The following PLXDC2 variants were observed in gnomAD, a reference collection of about 807,000 sequenced individuals.
The protein encoded by PLXDC2 is plexin domain-containing protein 2.
Under a neutral mutation model 68.9 loss-of-function variants are expected in PLXDC2, and 40 were observed. That is an observed-to-expected ratio of 0.58 (90% CI 0.45 to 0.76). The LOEUF is 0.76. Among genes scored for constraint, PLXDC2 ranks in the 30% least tolerant of loss-of-function variants. PLXDC2 has a pLI of 0.00. For missense variants in PLXDC2, 644 were observed against 661.9 expected, an observed-to-expected ratio of 0.97 and a Z score of 0.30; for synonymous variants, 243 against 234.2, an observed-to-expected ratio of 1.04 and a Z score of -0.34.
rs764473799 is a variant in PLXDC2, at chr10:20,245,435, C to T, written c.1403C>T (p.Ala468Val). 9.3e-6 allele frequency: 15 copies of T among 1,613,664 alleles called. No homozygotes were observed. In the Admixed American group the frequency reaches 2.2e-4, roughly 23 times the overall value. The change falls in exon 13 of 14, where the codon GCC (alanine) becomes GTC (valine). Residue 468 changes from alanine (A) to valine (V), a missense_variant. Ala to Val is a moderately conservative substitution (Grantham distance 64, BLOSUM62 0). Around this residue, in one of 3 missense-constraint regions of PLXDC2, gnomAD observed 330 missense variants for 327.9 expected, o/e 1.01. Coordinates refer to ENST00000377252, the MANE Select transcript of PLXDC2 (RefSeq NM_032812.9). ...ATCCTCATCCTGGTCCTCATTGTAGCCACAGCCATTCTTGTGACAGTCTAT... is the reference window on the plus strand; with the variant it reads ...ATCCTCATCCTGGTCCTCATTGTAGTCACAGCCATTCTTGTGACAGTCTAT... ...IGILILVLIV[A>V]TAILVTVYMY...
chr10:19,903,199 T>G (rs1838186901), intron 1 of PLXDC2, among the ~76,000 whole-genome samples: 1 of 152,212 alleles, frequency 6.6e-6, no homozygotes, highest in South Asian at 2.1e-4. Flanking sequence ...TCGAATGATT[T>G]AGGGAGGATT....
At chr10:19,877,744 T>C (rs778356312) in intron 1 of PLXDC2, among the ~76,000 whole-genome samples, 6 of 152,234 alleles carry the variant, frequency 3.9e-5, no homozygotes, top group Non-Finnish European at 7.3e-5. Flanking sequence ...AAAATAAACT[T>C]GTAACTTCAT....
At chr10:20,231,185 C>A (rs936760144) in intron 12 of PLXDC2, among the ~76,000 whole-genome samples, 1 of 150,438 alleles carries the variant, frequency 6.6e-6, no homozygotes, top group Non-Finnish European at 1.5e-5. Flanking sequence ...GTTGGGAGAA[C>A]AATATATCTA....
intron 1 of PLXDC2, among the ~76,000 whole-genome samples, chr10:19,819,466 T>C (rs546977525): frequency 7.3e-6 from 1 of 136,484 alleles, no homozygotes; most frequent in Non-Finnish European, 1.7e-5. Flanking sequence ...AAATAGTCTA[T>C]ATAAAAATTC....
chr10:19,874,777 G>C (rs1413902628), intron 1 of PLXDC2, among the ~76,000 whole-genome samples: 5 of 152,312 alleles, frequency 3.3e-5, no homozygotes, highest in African/African-American at 1.2e-4. Flanking sequence ...AAGCATTTCA[G>C]TTAAAGGGAT....
intron 2 of PLXDC2, among the ~76,000 whole-genome samples, chr10:20,002,926 G>T (rs1834966271): frequency 6.6e-6 from 1 of 152,172 alleles, no homozygotes; most frequent in Non-Finnish European, 1.5e-5. Flanking sequence ...ATGGCTTCCA[G>T]TGTTAAATAT....
At chr10:19,926,586 G>A (rs548046798) in intron 1 of PLXDC2, among the ~76,000 whole-genome samples, 102 of 152,190 alleles carry the variant, frequency 6.7e-4, no homozygotes, top group Non-Finnish European at 1.1e-3. Context: ...AAAAAAAATG[G>A]CCAAATGCAG....
Position 20,211,747 on chromosome 10 carries a change from T to G in PLXDC2, c.1122+18T>G. On this transcript the variant is annotated intron_variant, in intron 10 of 13. Transcript: ENST00000377252. Reference sequence around the variant, plus strand: ...CTGAAGAGGTACACATGCTTTATTGTGACAGAATCCTGGGACCAAGCTGTC... The same window carrying G: ...CTGAAGAGGTACACATGCTTTATTGGGACAGAATCCTGGGACCAAGCTGTC... The G allele has an allele frequency of 6.2e-7, 1 of 1,611,008 alleles. No homozygotes were observed. Among genetic ancestry groups the G allele is most frequent in the Non-Finnish European group, 8.5e-7 (1 of 1,177,784 alleles).
intron 9 of PLXDC2, among the ~76,000 whole-genome samples, chr10:20,199,454 CAA>C (rs1834888346): frequency 6.6e-6 from 1 of 151,708 alleles, no homozygotes; most frequent in African/African-American, 2.4e-5. Context: ...AAAGGAGAAA[CAA>C]AAGTTATTAT....
intron 13 of PLXDC2, among the ~76,000 whole-genome samples, chr10:20,276,456 C>G (rs1217609018): frequency 6.6e-6 from 1 of 152,118 alleles, no homozygotes; most frequent in South Asian, 2.1e-4. Flanking sequence ...CACAGCCAAC[C>G]CCAGTGCCAA....
At chr10:19,876,205 G>C (rs1049180271) in intron 1 of PLXDC2, among the ~76,000 whole-genome samples, 2 of 152,268 alleles carry the variant, frequency 1.3e-5, no homozygotes, top group South Asian at 4.1e-4. Flanking sequence ...TGCAGAGTAA[G>C]AGATCGTTTC....
chr10:20,034,985 A>G (rs1440793896), intron 2 of PLXDC2, among the ~76,000 whole-genome samples: 1 of 152,242 alleles, frequency 6.6e-6, no homozygotes, highest in African/African-American at 2.4e-5. Flanking sequence ...GAAACTTGTC[A>G]TTAAGCAACC....
At chr10:20,172,695 A>G (rs1046210894) in intron 7 of PLXDC2, among the ~76,000 whole-genome samples, 19 of 152,268 alleles carry the variant, frequency 1.2e-4, no homozygotes, top group African/African-American at 4.6e-4. Flanking sequence ...AGCCATTAGG[A>G]AAGTATACGT....
intron 1 of PLXDC2, among the ~76,000 whole-genome samples, chr10:19,877,523 GT>G (rs1225131209): frequency 1.3e-5 from 2 of 152,132 alleles, no homozygotes; most frequent in Non-Finnish European, 2.9e-5. Context: ...GAAATGATGT[GT>G]GCAAAATCTC....
chr10:20,176,639 T>C (rs927341563), intron 7 of PLXDC2, among the ~76,000 whole-genome samples: 10 of 152,162 alleles, frequency 6.6e-5, no homozygotes, highest in African/African-American at 2.4e-4. Context: ...ACTTTAGCTT[T>C]AGTATGGAAG....
intron 2 of PLXDC2, among the ~76,000 whole-genome samples, chr10:20,031,526 G>A (rs1305962432): frequency 6.6e-6 from 1 of 152,148 alleles, no homozygotes; most frequent in Non-Finnish European, 1.5e-5. Context: ...AGCCACCTCT[G>A]TTGGTAGTCT....
chr10:20,264,437 C>G (rs1009580022), intron 13 of PLXDC2, among the ~76,000 whole-genome samples: 1 of 152,070 alleles, frequency 6.6e-6, no homozygotes, highest in Non-Finnish European at 1.5e-5. Flanking sequence ...GTGTAACAAA[C>G]TTTCACATGT....
intron 1 of PLXDC2, among the ~76,000 whole-genome samples, chr10:19,825,340 A>T (rs1836551205): frequency 6.6e-6 from 1 of 152,194 alleles, no homozygotes; most frequent in Non-Finnish European, 1.5e-5. Flanking sequence ...GAAAAACTGC[A>T]TAGGAATCCG....
chr10:19,951,008 A>G (rs1043665109), intron 1 of PLXDC2, among the ~76,000 whole-genome samples: 6 of 152,310 alleles, frequency 3.9e-5, no homozygotes, highest in Non-Finnish European at 1.5e-5. Flanking sequence ...AAGATGGATT[A>G]AAGATTTAAA....
Sources: allele counts gnomAD v4.1 joint callset (sites outside exome capture counted in the v4.1 genomes callset), GRCh38; gene constraint gnomAD v4.1.1; regional missense constraint gnomAD v4.1.1; transcripts MANE v1.5; gene names NCBI Gene and HGNC (gene_info 2026-07-23, HGNC 2026-07-21).